The following PLCXD2 variants were observed in gnomAD, a reference collection of about 807,000 sequenced individuals.
PLCXD2 encodes phosphatidylinositol specific phospholipase C X domain containing 2, also known as PI-PLC X domain-containing protein 2.
PLCXD2 carries 21 observed loss-of-function variants against 28.6 expected under a neutral mutation model. The ratio of observed to expected loss-of-function variants is 0.73; its 90% CI spans 0.52 to 1.06. The LOEUF (loss-of-function observed/expected upper bound fraction) is 1.06, where lower values mean the gene tolerates loss of function less well. Ranked by LOEUF, PLCXD2 falls within the 50% of genes least tolerant of loss-of-function variation. The pLI, the probability that PLCXD2 is intolerant of heterozygous loss-of-function variation, is 0.00. For synonymous variants in PLCXD2, 140 were observed against 150.1 expected, an observed-to-expected ratio of 0.93 and a Z score of 0.49; for missense variants, 369 against 376.7, an observed-to-expected ratio of 0.98 and a Z score of 0.17.
intron 1 of PLCXD2, among the ~76,000 whole-genome samples, chr3:111,681,343 CT>C (rs1940711478): frequency 6.6e-6 from 1 of 152,218 alleles, no homozygotes; most frequent in Non-Finnish European, 1.5e-5. Flanking sequence ...TTGGGAAAAA[CT>C]CAGCCCTCTG....
intron 3 of PLCXD2, chr3:111,722,529 A>G (rs1235557828): frequency 1.3e-5 from 2 of 152,216 alleles, no homozygotes; most frequent in Admixed American, 1.3e-4. Context: ...TTGAAAAGAA[A>G]GGCTCTAGAA....
rs1249589129 is a variant in PLCXD2, at chr3:111,714,068, C to A, written c.806C>A (p.Pro269His). ...CATGTCTCCCAAGCGATCCTCACCC[C>A]CAGAGTGAAGACCATTGCCCGGGGC... Residue 269 changes from proline (P) to histidine (H), a missense_variant, in exon 3 of 5, where the codon CCC becomes CAC. Physicochemically the swap from Pro to His is moderately conservative, Grantham distance 77. Transcript: ENST00000477665. The A allele has an allele frequency of 2.5e-6, 4 of 1,614,140 alleles. No homozygotes were observed. Among genetic ancestry groups the A allele is most frequent in the Non-Finnish European group, 3.4e-6 (4 of 1,180,022 alleles).
At chr3:111,676,537 G>T (rs1437291699) in intron 1 of PLCXD2, among the ~76,000 whole-genome samples, 3 of 152,190 alleles carry the variant, frequency 2.0e-5, no homozygotes, top group Middle Eastern at 6.8e-3. Flanking sequence ...CAGGTTCATT[G>T]TCCTCATAGG....
intron 1 of PLCXD2, among the ~76,000 whole-genome samples, chr3:111,679,174 A>C (rs1940673653): frequency 6.6e-6 from 1 of 152,224 alleles, no homozygotes; most frequent in Non-Finnish European, 1.5e-5. Context: ...CCACCTTCTG[A>C]GAATTAGGAA....
rs139814643 is a variant in PLCXD2 at position 111,708,680 on chromosome 3, A to G, written c.624+294A>G. Among the ~76,000 whole-genome samples, 172 of 151,414 alleles carry G rather than the reference A, an allele frequency of 1.1e-3. 2 individuals carry two copies. Among genetic ancestry groups the G allele is most frequent in the African/African-American group, 3.7e-3 (152 of 41,450 alleles). ...AGTTGTAAAATTGGGCCAATAGGTC[A>G]TTACTATTCTCTGTTTCCCGAGGTC... On this transcript the variant is annotated intron_variant, in intron 2 of 4. Transcript: ENST00000477665.
intron 1 of PLCXD2, among the ~76,000 whole-genome samples, chr3:111,706,762 A>G (rs1941124231): frequency 6.6e-6 from 1 of 151,938 alleles, no homozygotes; most frequent in African/African-American, 2.4e-5. Context: ...AACGGAAACC[A>G]AAAGTGTGCA....
At chr3:111,707,378 AT>A (rs1400676330) in intron 1 of PLCXD2, among the ~76,000 whole-genome samples, 1 of 152,208 alleles carries the variant, frequency 6.6e-6, no homozygotes, top group Non-Finnish European at 1.5e-5. Context: ...TAGAATTTAA[AT>A]CCCTTTCTCG....
chr3:111,697,116 CATTTGCT>C (rs1940971935), intron 1 of PLCXD2, among the ~76,000 whole-genome samples: 1 of 152,134 alleles, frequency 6.6e-6, no homozygotes, highest in African/African-American at 2.4e-5. Context: ...GCTATCCAAA[CATTTGCT>C]ATAACTTATA....
chr3:111,724,332 G>T (rs899504989), intron 3 of PLCXD2: 1 of 152,012 alleles, frequency 6.6e-6, no homozygotes, highest in Non-Finnish European at 1.5e-5. Flanking sequence ...GAGCAGTTAA[G>T]CCACAGTCCC....
At chr3:111,699,039 T>C (rs1174591992) in intron 1 of PLCXD2, among the ~76,000 whole-genome samples, 1 of 152,172 alleles carries the variant, frequency 6.6e-6, no homozygotes, top group South Asian at 2.1e-4. Context: ...GTGAAGCACC[T>C]GCAGGAACTA....
chr3:111,708,274 C>G lies in PLCXD2; in HGVS notation c.512C>G (p.Thr171Ser). 1 of 1,614,090 alleles carries G rather than the reference C, an allele frequency of 6.2e-7. No homozygotes were observed. The highest frequency in any genetic ancestry group is 2.2e-5 in the East Asian group (1 of 44,876). The stretch of plus-strand genomic sequence containing the variant: ...AACCACTTCTATGCCATGGATGAGA[C>G]CCATCACAAATGCCTGGTTCTGCGG... The change falls in exon 2 of 5, where the codon ACC becomes AGC. Residue 171 changes from threonine to serine, a missense_variant. Physicochemically the swap from Thr to Ser is moderately conservative, Grantham distance 58. Transcript: ENST00000477665.
intron 1 of PLCXD2, among the ~76,000 whole-genome samples, chr3:111,695,425 A>G (rs1320380760): frequency 2.6e-5 from 4 of 152,250 alleles, no homozygotes; most frequent in African/African-American, 9.6e-5. Flanking sequence ...GATTAACAAC[A>G]ATAACTAGTA....
Position 111,714,052 on chromosome 3 carries a change from C to T in PLCXD2, c.790C>T (p.Gln264Ter). The T allele has an allele frequency of 6.2e-7, 1 of 1,614,160 alleles. No homozygotes were observed. Among genetic ancestry groups the T allele is most frequent in the Middle Eastern group, 1.6e-4 (1 of 6,062 alleles). Residue 264 changes from glutamine to a stop codon, truncating the protein, a stop_gained, in exon 3 of 5, where the codon CAA becomes TAA. Transcript: ENST00000477665. LOFTEE classifies it high-confidence loss of function. ...CTCACGGGGCTCCTTCCATGTCTCC[C>T]AAGCGATCCTCACCCCCAGAGTGAA... is the stretch of plus-strand genomic sequence containing the variant.
chr3:111,713,311 T>A (rs1188695251), intron 2 of PLCXD2, among the ~76,000 whole-genome samples: 2 of 152,170 alleles, frequency 1.3e-5, no homozygotes, highest in African/African-American at 2.4e-5. Flanking sequence ...GAACTGAAAA[T>A]TAGTATACCC....
chr3:111,695,105 C>A (rs745756957), intron 1 of PLCXD2, among the ~76,000 whole-genome samples: 1 of 145,100 alleles, frequency 6.9e-6, no homozygotes, highest in African/African-American at 2.6e-5. Context: ...AATCCAAGCA[C>A]TTTTAGTGAG....
intron 2 of PLCXD2, among the ~76,000 whole-genome samples, chr3:111,712,162 C>A (rs1941207941): frequency 6.6e-6 from 1 of 152,144 alleles, no homozygotes; most frequent in Non-Finnish European, 1.5e-5. Flanking sequence ...AGAAATTCTC[C>A]CTGTAACCTT....
At chr3:111,719,686 G>C (rs938345872) in intron 3 of PLCXD2, among the ~76,000 whole-genome samples, 1 of 152,132 alleles carries the variant, frequency 6.6e-6, no homozygotes, top group Non-Finnish European at 1.5e-5. Context: ...TTTAAAACAG[G>C]CAAATCTAAT....
At chr3:111,691,876 C>A (rs954274519) in intron 1 of PLCXD2, among the ~76,000 whole-genome samples, 3 of 152,184 alleles carry the variant, frequency 2.0e-5, no homozygotes, top group Admixed American at 6.5e-5. Flanking sequence ...CAAATGAGAT[C>A]ATGTAAGTAA....
Position 111,713,860 on chromosome 3 carries a change from C to T in PLCXD2, c.625-27C>T, listed in dbSNP as rs369570290. Reference sequence around the variant, plus strand: ...ACATTCAGCATTTTTATGGATTGCTCTCCTTTTTGTGTTTTGAATATTTCA... The same window carrying T: ...ACATTCAGCATTTTTATGGATTGCTTTCCTTTTTGTGTTTTGAATATTTCA... On this transcript the variant is annotated intron_variant, in intron 2 of 4. Transcript: ENST00000477665. 6 of 1,599,168 alleles carry T rather than the reference C, an allele frequency of 3.8e-6. No individual in the cohort carries two copies. In the African/African-American group the frequency reaches 6.7e-5, roughly 18 times the overall value.
Sources: gnomAD v4.1 joint callset for allele counts (sites outside exome capture counted in the v4.1 genomes callset) on GRCh38, gnomAD v4.1.1 for gene constraint, MANE v1.5 for transcripts, NCBI Gene and HGNC (gene_info 2026-07-23, HGNC 2026-07-21) for gene names.